Variants in NR4A1 observed in about 807,000 individuals in gnomAD.
The protein encoded by NR4A1 is nuclear receptor subfamily 4immunitygroup A member 1.
A neutral mutation model predicts 47.5 loss-of-function variants in NR4A1; 24 were observed. That is an observed-to-expected ratio of 0.50 (90% CI 0.37 to 0.71). The LOEUF is 0.71. NR4A1 is among the 30% of genes least tolerant of loss of function. The pLI, the probability that NR4A1 is intolerant of heterozygous loss-of-function variation, is 0.00. For missense variants in NR4A1, 669 were observed against 788.6 expected (o/e 0.85, Z 1.82); for synonymous variants, 353 against 345.7 (o/e 1.02, Z -0.24).
intron 2 of NR4A1, chr12:52,043,700 A>C: frequency 1.6e-6 from 2 of 1,251,728 alleles, no homozygotes; most frequent in South Asian, 2.7e-5. Context: ...ACAGAGGAGG[A>C]CACGCCGGCT....
upstream of NR4A1, among the ~76,000 whole-genome samples, chr12:52,047,045 G>GCTA (rs1938675359): frequency 1.3e-5 from 2 of 148,234 alleles, no homozygotes; most frequent in African/African-American, 5.1e-5. Flanking sequence ...TGACTAGGTG[G>GCTA]GGCTGTCTCG....
intron 1 of NR4A1, among the ~76,000 whole-genome samples, chr12:52,039,871 C>G (rs1254644166): frequency 6.6e-6 from 1 of 152,138 alleles, no homozygotes; most frequent in African/African-American, 2.4e-5. Flanking sequence ...AGAGCCAGTT[C>G]TGGGCAGAGG....
In NR4A1 at chr12:52,056,249, C is replaced by T. The variant is rs866871435; in HGVS notation, c.1006+90C>T. The T allele has an allele frequency of 3.3e-6, 5 of 1,494,940 alleles. No individual in the cohort carries two copies. In the Admixed American group the frequency reaches 1.2e-4, roughly 35 times the overall value. The allele number at this position is 1,494,940 out of a possible 1,614,324, so 92.6% of individuals were successfully genotyped here. ...CCCCCAGGCTTCTGCCCTGGAGGACCCAGAGGAGGGCACGTCTTATTTCCA... is the reference window on the plus strand; with the variant it reads ...CCCCCAGGCTTCTGCCCTGGAGGACTCAGAGGAGGGCACGTCTTATTTCCA... On this transcript the variant is annotated intron_variant, in intron 3 of 6. Transcript: ENST00000394825.
chr12:52,023,833 G>C (rs1370851851), intron 1 of NR4A1, among the ~76,000 whole-genome samples: 3 of 152,248 alleles, frequency 2.0e-5, no homozygotes, highest in Non-Finnish European at 4.4e-5. Context: ...CCTGGTAGGG[G>C]GCGTGGCCTG....
At chr12:52,028,959 A>G (rs547444186) in intron 1 of NR4A1, among the ~76,000 whole-genome samples, 18 of 152,244 alleles carry the variant, frequency 1.2e-4, no homozygotes, top group Non-Finnish European at 2.5e-4. Context: ...CTCCCTAAAA[A>G]TATTAATGCT....
Position 52,059,011 on chromosome 12 carries a change from G to A in NR4A1, c.*67G>A, listed in dbSNP as rs374892003. 7.1e-4 allele frequency: 1,087 copies of A among 1,534,412 alleles called. 22 individuals are homozygous for A. The South Asian group carries it at 0.013, about 18-fold the overall frequency. On this transcript the variant is annotated 3_prime_UTR_variant, in exon 7 of 7. Transcript: ENST00000394825. Reference sequence around the variant, plus strand: ...GCCACCCCATGTGCCTTTAGTCCACGGACCCCCAGAGCACCCCCAAGCCTG... The same window carrying A: ...GCCACCCCATGTGCCTTTAGTCCACAGACCCCCAGAGCACCCCCAAGCCTG...
At chr12:52,029,475 C>T (rs1938071575) in intron 1 of NR4A1, among the ~76,000 whole-genome samples, 1 of 152,074 alleles carries the variant, frequency 6.6e-6, no homozygotes. Flanking sequence ...ATTGCTTGAG[C>T]TCAGGAGTTT....
upstream of NR4A1, among the ~76,000 whole-genome samples, chr12:52,047,367 G>T (rs1372839459): frequency 6.6e-6 from 1 of 152,200 alleles, no homozygotes; most frequent in Admixed American, 6.5e-5. Flanking sequence ...ATTCTCCCTT[G>T]AGGGCCCACA....
At chr12:52,037,255 T>C in intron 1 of NR4A1, 1 of 509,290 alleles carries the variant, frequency 2.0e-6, no homozygotes, top group Non-Finnish European at 2.5e-6. Flanking sequence ...GCTGAGCGGC[T>C]GCGGCGCGGC....
chr12:52,048,028 C>G (rs954320515), upstream of NR4A1, among the ~76,000 whole-genome samples: 1 of 151,694 alleles, frequency 6.6e-6, no homozygotes, highest in Non-Finnish European at 1.5e-5. Flanking sequence ...GTGGCAGGCA[C>G]CTGTCGTCCC....
chr12:52,052,273 G>T (rs1939008365), intron 1 of NR4A1, among the ~76,000 whole-genome samples: 1 of 48,686 alleles, frequency 2.1e-5, no homozygotes, highest in South Asian at 8.1e-4. Context: ...GATCACGTGT[G>T]TGTGTGTGTG....
intron 1 of NR4A1, chr12:52,052,704 T>C: frequency 1.1e-5 from 11 of 969,714 alleles, no homozygotes; most frequent in Non-Finnish European, 1.3e-5. Context: ...CTGATGGGGG[T>C]TGATCCGGAT....
chr12:52,025,073 T>TC (rs1004346245), intron 1 of NR4A1, among the ~76,000 whole-genome samples: 1 of 151,432 alleles, frequency 6.6e-6, no homozygotes, highest in Non-Finnish European at 1.5e-5. Flanking sequence ...CTTTTTTTTT[T>TC]TTTTTTTTGA....
chr12:52,026,830 G>C (rs1938009487), intron 1 of NR4A1, among the ~76,000 whole-genome samples: 1 of 151,946 alleles, frequency 6.6e-6, no homozygotes, highest in South Asian at 2.1e-4. Flanking sequence ...GCTAGGAGGG[G>C]CTTCAGGAAT....
intron 1 of NR4A1, among the ~76,000 whole-genome samples, chr12:52,024,261 C>T (rs1300342142): frequency 3.3e-5 from 5 of 152,246 alleles, no homozygotes; most frequent in Admixed American, 6.5e-5. Context: ...CATAAGTCAC[C>T]TCCAGAGATT....
intron 3 of NR4A1, 22 bp downstream of exon 3, chr12:52,056,181 C>T: frequency 6.3e-7 from 1 of 1,581,642 alleles, no homozygotes; most frequent in Non-Finnish European, 8.6e-7. Context: ...GGGTGCGGCC[C>T]AGCGGGGCAA....
At position 52,054,379 on chromosome 12, in the gene NR4A1, C is replaced by T. The variant is rs779906785; in HGVS notation, c.51C>T (p.Pro17=). The T allele has an allele frequency of 2.0e-5, 33 of 1,613,512 alleles. No homozygotes were observed. The highest frequency in any genetic ancestry group is 3.3e-5 in the Admixed American group (2 of 59,994). ...QYGTPAPSPG[P]RDHLASDPLT... ...GGACACCAGCACCGAGTCCGGGACC[C>T]CGTGACCACCTGGCAAGCGACCCCC... Residue 17 remains proline, a synonymous_variant, in exon 2 of 7, where the codon CCC becomes CCT. Transcript: ENST00000394825.
intron 1 of NR4A1, among the ~76,000 whole-genome samples, chr12:52,031,960 C>A (rs1414858890): frequency 6.6e-6 from 1 of 151,958 alleles, no homozygotes; most frequent in Non-Finnish European, 1.5e-5. Flanking sequence ...CCACGCCCAG[C>A]TAATTTTGTA....
At chr12:52,055,564 C>A in intron 2 of NR4A1, 1 of 515,156 alleles carries the variant, frequency 1.9e-6, no homozygotes, top group Admixed American at 3.7e-5. Context: ...CTCTCATGTT[C>A]CTGGCGTGAG....
Sources: gnomAD v4.1 joint callset for allele counts (sites outside exome capture counted in the v4.1 genomes callset) on GRCh38, gnomAD v4.1.1 for gene constraint, MANE v1.5 for transcripts, NCBI Gene and HGNC (gene_info 2026-07-23, HGNC 2026-07-21) for gene names.